The following RASGRP1 variants were observed in gnomAD, a reference collection of about 807,000 sequenced individuals.
The protein encoded by RASGRP1 is RAS guanyl releasing protein 1, also known as RAS guanyl-releasing protein 1.
A neutral mutation model predicts 95.1 loss-of-function variants in RASGRP1; 37 were observed. The ratio of observed to expected loss-of-function variants is 0.39; its 90% CI spans 0.30 to 0.51. The LOEUF is 0.51. Ranked by LOEUF, RASGRP1 falls within the 20% of genes least tolerant of loss-of-function variation. RASGRP1 has a pLI of 0.80. For missense variants in RASGRP1, 711 were observed against 965.4 expected, an observed-to-expected ratio of 0.74 and a Z score of 3.49; for synonymous variants, 325 against 353.4, an observed-to-expected ratio of 0.92 and a Z score of 0.90.
At chr15:38,560,143 C>A (rs1893747726) in intron 1 of RASGRP1, 138 bp from the exon 2 acceptor site, 4 of 737,068 alleles carry the variant, frequency 5.4e-6, no homozygotes, top group Non-Finnish European at 9.1e-6. Flanking sequence ...TCCCACTTGG[C>A]AAATGCACCA....
chr15:38,505,118 A>G (rs1012865444), intron 10 of RASGRP1: 4 of 152,206 alleles, frequency 2.6e-5, no homozygotes, highest in Admixed American at 6.5e-5. Flanking sequence ...AGCCACCCCA[A>G]TAGATGAGCT....
At position 38,490,515 on chromosome 15, in the gene RASGRP1, A is replaced by G; in HGVS notation, c.*39T>C. ...GCATTACAGTTTAGGAAATGAGATCACTATACTCATCTACAGATTGTGCTA... is the reference window on the plus strand; with the variant it reads ...GCATTACAGTTTAGGAAATGAGATCGCTATACTCATCTACAGATTGTGCTA... On this transcript the variant is annotated 3_prime_UTR_variant, in exon 17 of 17. Coordinates refer to ENST00000310803, the MANE Select transcript of RASGRP1 (RefSeq NM_005739.4). 2 of 1,595,532 alleles carry G rather than the reference A, an allele frequency of 1.3e-6. No homozygotes were observed. Among genetic ancestry groups the G allele is most frequent in the South Asian group, 1.1e-5 (1 of 87,366 alleles).
chr15:38,523,002 T>A (rs1274546344), intron 3 of RASGRP1, among the ~76,000 whole-genome samples: 1 of 151,730 alleles, frequency 6.6e-6, no homozygotes, highest in African/African-American at 2.4e-5. Flanking sequence ...CACGGAGACA[T>A]GAACTAAGGC....
At chr15:38,536,678 A>C (rs971546546) in intron 2 of RASGRP1, among the ~76,000 whole-genome samples, 1 of 152,254 alleles carries the variant, frequency 6.6e-6, no homozygotes, top group African/African-American at 2.4e-5. Flanking sequence ...ATTCCAGTGC[A>C]TGATGGAATT....
chr15:38,516,357 T>C lies in RASGRP1; in HGVS notation c.522-7A>G, dbSNP rs1566920900. The C allele has an allele frequency of 6.2e-7, 1 of 1,607,208 alleles. No individual in the cohort carries two copies. Among genetic ancestry groups the C allele is most frequent in the East Asian group, 2.2e-5 (1 of 44,826 alleles). ...GGACCAGTCACGGGCATTGCTTTTG[T>C]GGGTAAATGTGAAAGGGAGAAGACA... On this transcript the variant is annotated splice_region_variant and splice_polypyrimidine_tract_variant and intron_variant, in intron 5 of 16. Coordinates refer to ENST00000310803, the MANE Select transcript of RASGRP1 (RefSeq NM_005739.4).
chr15:38,514,938 G>T (rs1047250778), intron 6 of RASGRP1, among the ~76,000 whole-genome samples: 2 of 152,154 alleles, frequency 1.3e-5, no homozygotes, highest in African/African-American at 4.8e-5. Flanking sequence ...CTGCCAAATG[G>T]GAACTCCTGA....
At chr15:38,524,338 C>G (rs1892115086) in intron 3 of RASGRP1, 1 of 152,152 alleles carries the variant, frequency 6.6e-6, no homozygotes, top group African/African-American at 2.4e-5. Context: ...GAGAAATCAC[C>G]CACAGAAAGG....
At chr15:38,492,862 C>T (rs1251275686) in intron 16 of RASGRP1, among the ~76,000 whole-genome samples, 4 of 151,424 alleles carry the variant, frequency 2.6e-5, no homozygotes, top group African/African-American at 7.3e-5. Flanking sequence ...CTGCTGTTCC[C>T]GTCTCCTACT....
chr15:38,545,568 A>T (rs1161973903), intron 2 of RASGRP1, among the ~76,000 whole-genome samples: 3 of 152,132 alleles, frequency 2.0e-5, no homozygotes, highest in African/African-American at 7.2e-5. Context: ...TTGAGGGAAA[A>T]AAATATTAAA....
chr15:38,543,424 C>T (rs1892980622), intron 2 of RASGRP1, among the ~76,000 whole-genome samples: 1 of 152,088 alleles, frequency 6.6e-6, no homozygotes, highest in South Asian at 2.1e-4. Context: ...ATCACATGGA[C>T]TTGATTACTA....
At chr15:38,498,264 C>A (rs1244899287) in intron 15 of RASGRP1, among the ~76,000 whole-genome samples, 1 of 152,204 alleles carries the variant, frequency 6.6e-6, no homozygotes, top group African/African-American at 2.4e-5. Context: ...CTACCTGCTT[C>A]TAGACATGCA....
intron 13 of RASGRP1, among the ~76,000 whole-genome samples, 154 bp downstream of exon 13, chr15:38,500,989 T>TA (rs1322604831): frequency 1.3e-5 from 2 of 152,120 alleles, no homozygotes; most frequent in African/African-American, 4.8e-5. Context: ...TGAGTGCAGG[T>TA]AAAAACCACA....
At position 38,516,345 on chromosome 15, in the gene RASGRP1, G is replaced by A. The variant is rs188455450; in HGVS notation, c.527C>T (p.Ala176Val). 1.2e-5 allele frequency: 20 copies of A among 1,610,266 alleles called. No individual in the cohort carries two copies. In the East Asian group the frequency reaches 1.6e-4, roughly 13 times the overall value. ...CRLIDTTQIN[A>V]RDWSRKLTQR... Reference sequence around the variant, plus strand: ...AGTAAGTTTCCTGGACCAGTCACGGGCATTGCTTTTGTGGGTAAATGTGAA... The same window carrying A: ...AGTAAGTTTCCTGGACCAGTCACGGACATTGCTTTTGTGGGTAAATGTGAA... The change falls in exon 6 of 17, where the codon GCC becomes GTC. Residue 176 changes from alanine (A) to valine (V), a missense_variant. Coordinates refer to ENST00000310803, the MANE Select transcript of RASGRP1 (RefSeq NM_005739.4).
intron 9 of RASGRP1, among the ~76,000 whole-genome samples, chr15:38,507,476 G>A (rs1296509663): frequency 6.6e-6 from 1 of 152,154 alleles, no homozygotes; most frequent in Non-Finnish European, 1.5e-5. Context: ...AGTCCTAGAA[G>A]TCTGAAGGGC....
At chr15:38,547,672 T>G (rs763274030) in intron 2 of RASGRP1, among the ~76,000 whole-genome samples, 24 of 152,182 alleles carry the variant, frequency 1.6e-4, no homozygotes, top group Non-Finnish European at 2.8e-4. Context: ...TTAAAATTTT[T>G]TACCATTATT....
At chr15:38,492,148 A>G (rs1324450516) in intron 16 of RASGRP1, among the ~76,000 whole-genome samples, 8 of 152,214 alleles carry the variant, frequency 5.3e-5, no homozygotes, top group African/African-American at 1.2e-4. Flanking sequence ...GGCAGTTTCT[A>G]TCCCTAAAGA....
intron 2 of RASGRP1, among the ~76,000 whole-genome samples, chr15:38,546,599 T>G (rs920534162): frequency 6.6e-6 from 1 of 152,134 alleles, no homozygotes; most frequent in Non-Finnish European, 1.5e-5. Context: ...AACTTTCAGG[T>G]TGATAGAAAC....
At chr15:38,550,242 C>CAAAAAAAA (rs56383365) in intron 2 of RASGRP1, among the ~76,000 whole-genome samples, 1 of 89,048 alleles carries the variant, frequency 1.1e-5, no homozygotes, top group Non-Finnish European at 2.5e-5. Context: ...ACTCTGTCGC[C>CAAAAAAAA]AAAAAAAAAA....
chr15:38,525,563 G>A (rs1892185230), intron 3 of RASGRP1, among the ~76,000 whole-genome samples: 1 of 152,170 alleles, frequency 6.6e-6, no homozygotes, highest in Non-Finnish European at 1.5e-5. Context: ...AGTCCTGATG[G>A]TTTTTATTTT....
Sources: gnomAD v4.1 joint callset for allele counts (sites outside exome capture counted in the v4.1 genomes callset) on GRCh38, gnomAD v4.1.1 for gene constraint, MANE v1.5 for transcripts, NCBI Gene and HGNC (gene_info 2026-07-23, HGNC 2026-07-21) for gene names.